NELL2: variants seen among roughly 807,000 people sequenced by gnomAD.
The protein encoded by NELL2 is neural EGFL like 2.
Under a neutral mutation model 109.6 loss-of-function variants are expected in NELL2, and 41 were observed. The observed-to-expected ratio is 0.37, with a 90% CI of 0.29 to 0.49. NELL2 has a LOEUF of 0.49. NELL2 is among the 20% of genes least tolerant of loss of function. The pLI, the probability that NELL2 is intolerant of heterozygous loss-of-function variation, is 0.98. For synonymous variants in NELL2, 355 were observed against 344.7 expected (o/e 1.03, Z -0.33); for missense variants, 900 against 1,008.3 (o/e 0.89, Z 1.45).
intron 15 of NELL2, among the ~76,000 whole-genome samples, chr12:44,570,920 T>C (rs909367951): frequency 1.3e-4 from 20 of 152,184 alleles, no homozygotes; most frequent in African/African-American, 4.8e-4. Context: ...ACTGCTTTCT[T>C]GCCTTGTAAA....
intron 15 of NELL2, among the ~76,000 whole-genome samples, chr12:44,532,979 T>C (rs567655828): frequency 5.4e-4 from 83 of 152,310 alleles, no homozygotes; most frequent in African/African-American, 1.9e-3. Flanking sequence ...CCATATGTGA[T>C]GGTCATTAGT....
intron 3 of NELL2, among the ~76,000 whole-genome samples, chr12:44,795,813 T>G (rs1228425808): frequency 6.6e-6 from 1 of 152,190 alleles, no homozygotes; most frequent in Non-Finnish European, 1.5e-5. Context: ...ATTGGCTGTT[T>G]CATCTTGCCA....
chr12:44,698,571 A>T (rs539348376), intron 12 of NELL2, among the ~76,000 whole-genome samples: 1 of 152,302 alleles, frequency 6.6e-6, no homozygotes, highest in African/African-American at 2.4e-5. Flanking sequence ...GAAAAATGAC[A>T]CCTGGAGGCA....
At chr12:44,809,289 T>C (rs138414239) in intron 3 of NELL2, among the ~76,000 whole-genome samples, 211 of 152,206 alleles carry the variant, frequency 1.4e-3, no homozygotes, top group African/African-American at 4.7e-3. Context: ...TTTTCAACAA[T>C]CCTTTATATT....
chr12:44,671,281 A>G (rs767262703), intron 12 of NELL2, among the ~76,000 whole-genome samples: 1 of 152,218 alleles, frequency 6.6e-6, no homozygotes, highest in African/African-American at 2.4e-5. Context: ...CCTAAAGGAT[A>G]CTGTAAAAAC....
intron 9 of NELL2, among the ~76,000 whole-genome samples, chr12:44,738,907 T>C (rs1309296020): frequency 6.6e-6 from 1 of 152,204 alleles, no homozygotes; most frequent in Non-Finnish European, 1.5e-5. Context: ...TCTATATTTT[T>C]AATTTTAAAA....
At chr12:44,794,485 C>T (rs1942548460) in intron 3 of NELL2, among the ~76,000 whole-genome samples, 1 of 152,142 alleles carries the variant, frequency 6.6e-6, no homozygotes, top group African/African-American at 2.4e-5. Context: ...GTAGTACCTC[C>T]TTGTGCTGGC....
chr12:44,913,655 C>A (rs934351606), intron 1 of NELL2: 64 of 396,300 alleles, frequency 1.6e-4, no homozygotes, highest in African/African-American at 1.3e-3. Flanking sequence ...AATTCGTAAA[C>A]GTTAATATAT....
At chr12:44,528,116 AAAAAAAAAAAAG>A (rs1169638177) in intron 16 of NELL2, among the ~76,000 whole-genome samples, 90 of 149,534 alleles carry the variant, frequency 6.0e-4, no homozygotes, top group African/African-American at 2.1e-3. Context: ...AAAAAAAAAA[AAAAAAAAAAAAG>A]AATCCTTCAG....
At chr12:44,893,885 C>T (rs1033951094) in intron 1 of NELL2, among the ~76,000 whole-genome samples, 14 of 152,104 alleles carry the variant, frequency 9.2e-5, no homozygotes, top group Non-Finnish European at 1.9e-4. Context: ...CTTTTTAAAT[C>T]CCTAATCCAT....
chr12:44,739,742 T>C (rs762887949), intron 9 of NELL2, among the ~76,000 whole-genome samples: 5 of 151,950 alleles, frequency 3.3e-5, no homozygotes, highest in Non-Finnish European at 5.9e-5. Flanking sequence ...AATACAAAAA[T>C]TAGCTGGGTG....
intron 13 of NELL2, among the ~76,000 whole-genome samples, chr12:44,644,944 C>T (rs560836264): frequency 1.1e-4 from 16 of 151,790 alleles, no homozygotes; most frequent in Non-Finnish European, 2.2e-4. Context: ...CATAATAGAA[C>T]CCCAGTGGAT....
At chr12:44,668,747 AACC>A (rs1948032650) in intron 12 of NELL2, among the ~76,000 whole-genome samples, 1 of 152,072 alleles carries the variant, frequency 6.6e-6, no homozygotes. Flanking sequence ...GGAACCCAGA[AACC>A]AGCATGCCCA....
intron 13 of NELL2, among the ~76,000 whole-genome samples, chr12:44,646,363 G>A (rs763791076): frequency 6.6e-6 from 1 of 152,118 alleles, no homozygotes; most frequent in Non-Finnish European, 1.5e-5. Context: ...CAGTACAATA[G>A]AATAGTCTCT....
At chr12:44,644,577 A>ATATAT (rs1376840602) in intron 13 of NELL2, among the ~76,000 whole-genome samples, 32 of 92,764 alleles carry the variant, frequency 3.4e-4, no homozygotes, top group Non-Finnish European at 5.2e-4. Flanking sequence ...CAGACAAAGT[A>ATATAT]AAGTATATAT....
chr12:44,740,350 A>T (rs1939886624), intron 9 of NELL2, among the ~76,000 whole-genome samples: 1 of 152,208 alleles, frequency 6.6e-6, no homozygotes, highest in Admixed American at 6.5e-5. Context: ...CAGCACACAG[A>T]GGAGGGCAGA....
At chr12:44,750,665 TAGC>T (rs1273961889) in intron 9 of NELL2, among the ~76,000 whole-genome samples, 16 of 152,216 alleles carry the variant, frequency 1.1e-4, no homozygotes, top group African/African-American at 3.6e-4. Flanking sequence ...CCCAGGGTAA[TAGC>T]AGCCAAGAAC....
chr12:44,811,499 C>G (rs78960346), intron 3 of NELL2, among the ~76,000 whole-genome samples: 1 of 151,818 alleles, frequency 6.6e-6, no homozygotes, highest in Non-Finnish European at 1.5e-5. Context: ...TTCTGAAGTA[C>G]GTGCCGGATT....
rs894277342 is a variant in NELL2 at position 44,714,996 on chromosome 12, T to C, written c.995-255A>G. On this transcript the variant is annotated intron_variant, in intron 9 of 19. Coordinates refer to ENST00000429094, the MANE Select transcript of NELL2 (RefSeq NM_001145108.2). ...ATGTCTGAATTAGACTCTGAAAAAG[T>C]AGTGCCAAAAAGCAGACTTACAGCC... 4.6e-5 allele frequency among the ~76,000 whole-genome samples: 7 copies of C among 151,912 alleles called. No individual in the cohort carries two copies. In the East Asian group the frequency reaches 1.4e-3, roughly 29 times the overall value.
Sources: gnomAD v4.1 joint callset for allele counts (sites outside exome capture counted in the v4.1 genomes callset) on GRCh38, gnomAD v4.1.1 for gene constraint, MANE v1.5 for transcripts, NCBI Gene and HGNC (gene_info 2026-07-23, HGNC 2026-07-21) for gene names.